Variants in GRHL2 observed in about 807,000 individuals in gnomAD.
GRHL2 encodes grainyhead-like protein 2 homolog.
Under a neutral mutation model 83.8 loss-of-function variants are expected in GRHL2, and 21 were observed. That is an observed-to-expected ratio of 0.25 (90% CI 0.18 to 0.36). The LOEUF (loss-of-function observed/expected upper bound fraction) is 0.36. Among genes scored for constraint, GRHL2 ranks in the 10% least tolerant of loss-of-function variants. The probability of loss-of-function intolerance (pLI) is 1.00; values close to 1 mark genes in which losing one functional copy is unlikely to be tolerated. For missense variants in GRHL2, 623 were observed against 781.8 expected (o/e 0.80, Z 2.42); for synonymous variants, 280 against 278.9 (o/e 1.00, Z -0.04).
rs1814144735 is a variant in GRHL2, at chr8:101,669,057, C to T, written c.*2354C>T. 1 of 152,216 alleles carries T rather than the reference C, an allele frequency of 6.6e-6. No homozygotes were observed. The highest frequency in any genetic ancestry group is 2.4e-5 in the African/African-American group (1 of 41,440). 9.4% of individuals were successfully genotyped at this position (152,216 alleles called of 1,614,324 possible). On this transcript the variant is annotated 3_prime_UTR_variant, in exon 16 of 16. Coordinates refer to ENST00000646743, the MANE Select transcript of GRHL2 (RefSeq NM_024915.4). ...CTTCCGATCCATTCCCCTCTGCATC[C>T]TCGGAGCACCCCAGTTTGCCTTTGA...
At chr8:101,504,491 C>A (rs530197015) in intron 1 of GRHL2, among the ~76,000 whole-genome samples, 2 of 152,218 alleles carry the variant, frequency 1.3e-5, no homozygotes, top group East Asian at 1.9e-4. Flanking sequence ...TCGAGGCAAA[C>A]CTGCTGGCCT....
In GRHL2 at chr8:101,632,140, G is replaced by T. The variant is rs868096137; in HGVS notation, c.1346-86G>T. On this transcript the variant is annotated intron_variant, in intron 10 of 15. Coordinates refer to ENST00000646743, the MANE Select transcript of GRHL2 (RefSeq NM_024915.4). ...ATGGTATTCAGAAAGCTTCATATGA[G>T]AAAATCGTGGACTTTAGGACTTACA... 61 of 1,444,792 alleles carry T rather than the reference G, an allele frequency of 4.2e-5. 2 individuals carry two copies. In the Middle Eastern group the frequency reaches 1.9e-3, roughly 45 times the overall value. The allele number at this position is 1,444,792 out of a possible 1,614,324, so 89.5% of individuals were successfully genotyped here.
intron 4 of GRHL2, among the ~76,000 whole-genome samples, chr8:101,559,460 G>T (rs1425917566): frequency 7.2e-5 from 11 of 151,960 alleles, no homozygotes; most frequent in Non-Finnish European, 1.5e-4. Context: ...AACCCGGGAG[G>T]CGGAGGTTGC....
At chr8:101,622,414 G>A (rs1463777432) in intron 9 of GRHL2, among the ~76,000 whole-genome samples, 2 of 152,170 alleles carry the variant, frequency 1.3e-5, no homozygotes, top group Non-Finnish European at 2.9e-5. Flanking sequence ...TTGATAAAAC[G>A]ATGGGTGGTG....
intron 8 of GRHL2, among the ~76,000 whole-genome samples, chr8:101,610,662 A>C (rs947242106): frequency 1.1e-4 from 17 of 151,068 alleles, no homozygotes; most frequent in Non-Finnish European, 2.4e-4. Context: ...TACCTATTTA[A>C]AAGAAGAAAG....
the GRHL2 span, among the ~76,000 whole-genome samples, chr8:101,677,279 A>G: frequency 6.6e-6 from 1 of 151,984 alleles, no homozygotes; most frequent in African/African-American, 2.4e-5. Context: ...CCTGGCAGCA[A>G]ACACCCCTCA....
chr8:101,666,577 C>G lies in GRHL2; in HGVS notation c.1764-12C>G, dbSNP rs371424751. On this transcript the variant is annotated splice_polypyrimidine_tract_variant and intron_variant, in intron 15 of 15. Transcript: ENST00000646743. Reference sequence around the variant, plus strand: ...GTCTTTGTTTTTCACACCCCTCCCCCCTCCATGGCAGCATCTTGGTGAACA... The same window carrying G: ...GTCTTTGTTTTTCACACCCCTCCCCGCTCCATGGCAGCATCTTGGTGAACA... The G allele has an allele frequency of 7.6e-5, 116 of 1,529,630 alleles. No homozygotes were observed. The Middle Eastern group carries it at 1.3e-3, about 18-fold the overall frequency. The allele number at this position is 1,529,630 out of a possible 1,614,324, so 94.8% of individuals were successfully genotyped here. A position where few individuals can be genotyped will look rare whatever the true frequency, so the allele number is the denominator to read the frequency against.
intron 6 of GRHL2, among the ~76,000 whole-genome samples, chr8:101,577,012 T>G (rs1377159297): frequency 6.6e-6 from 1 of 152,122 alleles, no homozygotes; most frequent in African/African-American, 2.4e-5. Flanking sequence ...TCTTTACAAA[T>G]GGCATCACAT....
intron 8 of GRHL2, among the ~76,000 whole-genome samples, chr8:101,602,006 C>T (rs940073355): frequency 1.3e-5 from 2 of 152,084 alleles, no homozygotes; most frequent in African/African-American, 2.4e-5. Context: ...GGCCCTGGTG[C>T]GTAATGTTCC....
At chr8:101,612,470 G>A (rs1052600536) in intron 8 of GRHL2, among the ~76,000 whole-genome samples, 1 of 143,838 alleles carries the variant, frequency 7.0e-6, no homozygotes, top group African/African-American at 2.7e-5. Context: ...GAGTGTGGAT[G>A]GATGGATGGA....
At chr8:101,548,776 A>G (rs1329526347) in intron 2 of GRHL2, among the ~76,000 whole-genome samples, 1 of 152,246 alleles carries the variant, frequency 6.6e-6, no homozygotes, top group Admixed American at 6.5e-5. Context: ...CCGCAGGTTA[A>G]TAACCACCTT....
rs116206688 is a variant in GRHL2, at chr8:101,586,808, A to T, written c.1003+9289A>T. On this transcript the variant is annotated intron_variant, in intron 7 of 15. Coordinates refer to ENST00000646743, the MANE Select transcript of GRHL2 (RefSeq NM_024915.4). ...CAGGCCTGTGCCTGGTTCACTGAGA[A>T]ATCTGACTGGGGTTGGACTCTCCTC... 9.2e-3 allele frequency among the ~76,000 whole-genome samples: 1,396 copies of T among 152,310 alleles called. 18 individuals carry two copies. Among genetic ancestry groups the T allele is most frequent in the African/African-American group, 0.03 (1,261 of 41,562 alleles).
chr8:101,621,481 A>C (rs911397195), intron 9 of GRHL2, among the ~76,000 whole-genome samples: 5 of 152,198 alleles, frequency 3.3e-5, no homozygotes, highest in Admixed American at 6.5e-5. Flanking sequence ...TAGAAGCAAC[A>C]CAAGAGTAAA....
At chr8:101,580,057 C>A (rs868637991) in intron 7 of GRHL2, among the ~76,000 whole-genome samples, 1 of 152,298 alleles carries the variant, frequency 6.6e-6, no homozygotes, top group Middle Eastern at 3.4e-3. Flanking sequence ...ATTCCCAAAT[C>A]TCCACCAGCA....
intron 9 of GRHL2, among the ~76,000 whole-genome samples, chr8:101,624,815 A>G (rs1049872142): frequency 3.3e-5 from 5 of 152,188 alleles, no homozygotes; most frequent in Non-Finnish European, 7.4e-5. Context: ...TACAGACAGC[A>G]TAAGCAATTT....
chr8:101,552,845 C>A, intron 3 of GRHL2, 63 bp downstream of exon 3: 1 of 1,481,662 alleles, frequency 6.7e-7, no homozygotes, highest in Non-Finnish European at 9.3e-7. Context: ...TGTTATTAAA[C>A]TGTATGTTTT....
intron 1 of GRHL2, among the ~76,000 whole-genome samples, chr8:101,503,761 T>C (rs766710504): frequency 6.6e-6 from 1 of 152,194 alleles, no homozygotes; most frequent in African/African-American, 2.4e-5. Context: ...ATCACATTAA[T>C]GAAAAAATCC....
At chr8:101,501,034 A>T (rs183578993) in intron 1 of GRHL2, among the ~76,000 whole-genome samples, 2 of 152,334 alleles carry the variant, frequency 1.3e-5, no homozygotes, top group Admixed American at 1.3e-4. Context: ...GATTTGCCAC[A>T]TACAATACTA....
chr8:101,515,197 C>CACACACACACAT (rs1810548497), intron 1 of GRHL2, among the ~76,000 whole-genome samples: 1 of 151,326 alleles, frequency 6.6e-6, no homozygotes, highest in African/African-American at 2.4e-5. Flanking sequence ...CACACACACA[C>CACACACACACAT]ACACACACAC....
Sources: allele counts gnomAD v4.1 joint callset (sites outside exome capture counted in the v4.1 genomes callset), GRCh38; gene constraint gnomAD v4.1.1; transcripts MANE v1.5; gene names NCBI Gene and HGNC (gene_info 2026-07-23, HGNC 2026-07-21).